The following KLHL4 variants were observed in gnomAD, a reference collection of about 807,000 sequenced individuals.
KLHL4 encodes kelch-like protein 4.
A neutral mutation model predicts 45.8 loss-of-function variants in KLHL4; 17 were observed. The observed-to-expected ratio is 0.37, with a 90% CI of 0.25 to 0.56. The LOEUF is 0.56. Among genes scored for constraint, KLHL4 ranks in the 20% least tolerant of loss-of-function variants. The probability of loss-of-function intolerance (pLI) is 0.79; values close to 1 mark genes in which losing one functional copy is unlikely to be tolerated. For synonymous variants in KLHL4, 224 were observed against 189.9 expected, an observed-to-expected ratio of 1.18 and a Z score of -1.47; for missense variants, 544 against 544.9, an observed-to-expected ratio of 1.00 and a Z score of 0.02.
At position 87,669,794 on chromosome X, in the gene KLHL4, C is replaced by T. The variant is rs970147001; in HGVS notation, c.*3260C>T. ...ACCTAAATGATGGAAGGAGCATCTC[C>T]CCTCTTGTCTGTGGAAGATATCACA... On this transcript the variant is annotated 3_prime_UTR_variant, in exon 11 of 11. Transcript: ENST00000373119. The T allele has an allele frequency of 7.0e-4, 81 of 115,655 alleles. 1 individual carries two copies. Among genetic ancestry groups the T allele is most frequent in the Middle Eastern group, 4.7e-3 (1 of 215 alleles). 9.5% of individuals were successfully genotyped at this position (115,655 alleles called of 1,213,427 possible).
At chrX:87,568,393 T>TTTC (rs1556025621) in intron 1 of KLHL4, among the ~76,000 whole-genome samples, 151 of 97,545 alleles carry the variant, frequency 1.5e-3, no homozygotes, top group African/African-American at 5.0e-3. Flanking sequence ...CTTTTTTTCT[T>TTTC]TTTTTTTTTT....
chrX:87,614,638 T>C (rs1453734912), intron 3 of KLHL4, 68 bp downstream of exon 3: 7 of 969,899 alleles, frequency 7.2e-6, no homozygotes, highest in South Asian at 2.4e-5. Context: ...TTAGTAGTAG[T>C]AGTAGTTATT....
At chrX:87,612,444 T>C (rs918037440) in intron 1 of KLHL4, among the ~76,000 whole-genome samples, 5 of 111,977 alleles carry the variant, frequency 4.5e-5, no homozygotes, top group African/African-American at 1.6e-4. Flanking sequence ...CAATAGGCTA[T>C]ACCATAAACC....
At chrX:87,518,744 ATC>A (rs766232824) in intron 1 of KLHL4, among the ~76,000 whole-genome samples, 131 of 112,102 alleles carry the variant, frequency 1.2e-3, no homozygotes, top group Non-Finnish European at 2.1e-3. Flanking sequence ...GCACATCCTT[ATC>A]TGTTTCCTTA....
chrX:87,612,657 T>C (rs1240315781), intron 1 of KLHL4, among the ~76,000 whole-genome samples: 3 of 111,933 alleles, frequency 2.7e-5, no homozygotes, highest in African/African-American at 9.7e-5. Context: ...TCACATGTGG[T>C]ATATTAAAAT....
intron 9 of KLHL4, among the ~76,000 whole-genome samples, chrX:87,643,379 A>T (rs1429453925): frequency 9.0e-6 from 1 of 111,247 alleles, no homozygotes; most frequent in Non-Finnish European, 1.9e-5. Flanking sequence ...CCTTGAACAG[A>T]CCAATAACAA....
In KLHL4 at chrX:87,669,598, A is replaced by AAT; in HGVS notation, c.*3065_*3066insTA. On this transcript the variant is annotated 3_prime_UTR_variant, in exon 11 of 11. Transcript: ENST00000373119. ...CTACCTTGAGATCTTAGTCTAGGTAAAGAAAAAAAAAAAAAGGTCATGAAA... is the reference window on the plus strand; with the variant it reads ...CTACCTTGAGATCTTAGTCTAGGTAAATAGAAAAAAAAAAAAAGGTCATGAAA... 1 of 363,064 alleles carries AAT rather than the reference A, an allele frequency of 2.8e-6. No individual in the cohort carries two copies. Among genetic ancestry groups the AAT allele is most frequent in the Non-Finnish European group, 4.5e-6 (1 of 221,432 alleles). 29.9% of individuals were successfully genotyped at this position (363,064 alleles called of 1,213,427 possible). A position where few individuals can be genotyped will look rare whatever the true frequency, so the allele number is the denominator to read the frequency against.
At chrX:87,626,157 C>T (rs764999792) in intron 6 of KLHL4, among the ~76,000 whole-genome samples, 31 of 111,606 alleles carry the variant, frequency 2.8e-4, no homozygotes, top group African/African-American at 9.4e-4. Flanking sequence ...GTTAAGAATG[C>T]GCCCATTCTT....
chrX:87,582,562 G>A (rs933132422), intron 1 of KLHL4, among the ~76,000 whole-genome samples: 2 of 112,176 alleles, frequency 1.8e-5, no homozygotes, highest in Non-Finnish European at 3.8e-5. Flanking sequence ...ACCTCACCAC[G>A]AAAGAACTAC....
At chrX:87,554,689 C>G (rs1931926422) in intron 1 of KLHL4, among the ~76,000 whole-genome samples, 1 of 108,154 alleles carries the variant, frequency 9.2e-6, no homozygotes, top group Admixed American at 1.0e-4. Flanking sequence ...TTCCTCTTTT[C>G]CTAATTGAAT....
chrX:87,548,698 C>G lies in KLHL4; in HGVS notation c.422+30383C>G, dbSNP rs181205994. Among the ~76,000 whole-genome samples the G allele has an allele frequency of 3.6e-5, 4 of 109,788 alleles. No individual in the cohort carries two copies. The East Asian group carries it at 1.1e-3, about 32-fold the overall frequency. On this transcript the variant is annotated intron_variant, in intron 1 of 10. Coordinates refer to ENST00000373119, the MANE Select transcript of KLHL4 (RefSeq NM_019117.5). ...TATGAAAATGGTGTGAAGCTGTTAT[C>G]AGGTTAACATAATCTGATAAAGGTA... is the stretch of plus-strand genomic sequence containing the variant.
chrX:87,654,060 G>A (rs1268578401), intron 9 of KLHL4, among the ~76,000 whole-genome samples: 2 of 111,001 alleles, frequency 1.8e-5, no homozygotes, highest in African/African-American at 6.6e-5. Flanking sequence ...GGATTGATAG[G>A]TGCAGCAAAC....
At chrX:87,635,152 TA>T (rs1024885257) in intron 8 of KLHL4, among the ~76,000 whole-genome samples, 2 of 111,789 alleles carry the variant, frequency 1.8e-5, no homozygotes, top group African/African-American at 6.5e-5. Flanking sequence ...AAGTCATACA[TA>T]AAAACAATGG....
At chrX:87,666,410 T>G in intron 10 of KLHL4, 65 bp from the exon 11 acceptor site, 1 of 1,046,799 alleles carries the variant, frequency 9.6e-7, no homozygotes, top group Non-Finnish European at 1.3e-6. Flanking sequence ...ATATTGAATA[T>G]AATATTTTAT....
At chrX:87,609,879 A>G (rs1193958885) in intron 1 of KLHL4, among the ~76,000 whole-genome samples, 1 of 111,714 alleles carries the variant, frequency 9.0e-6, no homozygotes, top group Non-Finnish European at 1.9e-5. Flanking sequence ...ATAAACTAAA[A>G]GAGTGAGAAC....
In KLHL4 at chrX:87,657,266, G is replaced by A. The variant is rs1040670752; in HGVS notation, c.1926-7498G>A. On this transcript the variant is annotated intron_variant, in intron 9 of 10. Transcript: ENST00000373119. ...CTCTGGTGCTTCAGGCAGTGGGCTG[G>A]CCTGTGGAACACCCAGTGGCCTGGG... Among the ~76,000 whole-genome samples the A allele has an allele frequency of 2.7e-5, 3 of 112,156 alleles. No individual in the cohort carries two copies. In the East Asian group the frequency reaches 8.5e-4, roughly 32 times the overall value.
intron 1 of KLHL4, among the ~76,000 whole-genome samples, chrX:87,538,131 A>T (rs940879811): frequency 9.0e-6 from 1 of 111,402 alleles, no homozygotes; most frequent in Non-Finnish European, 1.9e-5. Context: ...TTTCTTCATT[A>T]TTTTAATTCC....
chrX:87,649,968 T>C (rs887949384), intron 9 of KLHL4, among the ~76,000 whole-genome samples: 12 of 111,469 alleles, frequency 1.1e-4, no homozygotes, highest in African/African-American at 3.6e-4. Context: ...ACTTTGTTCA[T>C]TTTCTAGATT....
chrX:87,570,764 A>G (rs1368845361), intron 1 of KLHL4, among the ~76,000 whole-genome samples: 1 of 111,089 alleles, frequency 9.0e-6, no homozygotes, highest in Non-Finnish European at 1.9e-5. Flanking sequence ...ATACTTCTAA[A>G]CATCATTTTA....
Sources: gnomAD v4.1 joint callset for allele counts (sites outside exome capture counted in the v4.1 genomes callset) on GRCh38, gnomAD v4.1.1 for gene constraint, MANE v1.5 for transcripts, NCBI Gene and HGNC (gene_info 2026-07-23, HGNC 2026-07-21) for gene names.